Variants in NKAIN3 observed in about 807,000 individuals in gnomAD.
NKAIN3 encodes the protein sodium/potassium-transporting ATPase subunit beta-1-interacting protein 3.
A neutral mutation model predicts 30.2 loss-of-function variants in NKAIN3; 25 were observed. The ratio of observed to expected loss-of-function variants is 0.83; its 90% CI spans 0.60 to 1.16. The LOEUF is 1.16. Ranked by LOEUF, NKAIN3 falls within the 50% of genes most tolerant of loss-of-function variation. The pLI is 0.00. For missense variants in NKAIN3, 225 were observed against 254.1 expected, an observed-to-expected ratio of 0.89 and a Z score of 0.78; for synonymous variants, 91 against 89.6, an observed-to-expected ratio of 1.02 and a Z score of -0.09.
chr8:62,357,575 G>A (rs190575588), intron 1 of NKAIN3, among the ~76,000 whole-genome samples: 5 of 152,288 alleles, frequency 3.3e-5, no homozygotes, highest in Admixed American at 3.3e-4. Flanking sequence ...ATTCCTAAAT[G>A]AAATTTTTTT....
chr8:62,268,645 A>T (rs1309414687), intron 1 of NKAIN3, among the ~76,000 whole-genome samples: 3 of 152,186 alleles, frequency 2.0e-5, no homozygotes, highest in Admixed American at 2.0e-4. Context: ...TATTTTGTAA[A>T]GCTTCCCTCC....
intron 6 of NKAIN3, 37 bp downstream of exon 6, chr8:62,954,009 C>T (rs527374766): frequency 6.5e-6 from 5 of 765,602 alleles, no homozygotes; most frequent in African/African-American, 3.8e-5. Flanking sequence ...AATATTAATC[C>T]TTCTAACTCA....
intron 3 of NKAIN3, among the ~76,000 whole-genome samples, chr8:62,628,794 A>T (rs552862670): frequency 6.6e-6 from 1 of 152,094 alleles, no homozygotes; most frequent in South Asian, 2.1e-4. Flanking sequence ...CCTATTCAAG[A>T]TGATATTTTT....
At chr8:62,959,893 G>A (rs569921551) in intron 6 of NKAIN3, among the ~76,000 whole-genome samples, 3 of 152,316 alleles carry the variant, frequency 2.0e-5, no homozygotes, top group South Asian at 4.1e-4. Context: ...TAGTTGTCCC[G>A]AAGGAGAGAT....
intron 1 of NKAIN3, among the ~76,000 whole-genome samples, chr8:62,260,873 T>C (rs931652158): frequency 6.6e-6 from 1 of 151,986 alleles, no homozygotes; most frequent in African/African-American, 2.4e-5. Context: ...CTCTGGGGGT[T>C]ATTTTACATC....
chr8:62,716,246 C>A (rs1188166426), intron 3 of NKAIN3, among the ~76,000 whole-genome samples: 1 of 152,084 alleles, frequency 6.6e-6, no homozygotes, highest in African/African-American at 2.4e-5. Flanking sequence ...CTGCCAGGCC[C>A]TACAAACAAG....
At chr8:62,524,714 A>G (rs1409167647) in intron 1 of NKAIN3, among the ~76,000 whole-genome samples, 1 of 152,132 alleles carries the variant, frequency 6.6e-6, no homozygotes, top group Non-Finnish European at 1.5e-5. Context: ...TTTCTTTGCA[A>G]AGGTTTTAAG....
At chr8:62,460,199 G>C (rs1805949243) in intron 1 of NKAIN3, among the ~76,000 whole-genome samples, 1 of 151,936 alleles carries the variant, frequency 6.6e-6, no homozygotes, top group African/African-American at 2.4e-5. Flanking sequence ...ATCATCTGAG[G>C]TCAGGAGTTC....
At chr8:62,693,220 G>A (rs1473726301) in intron 3 of NKAIN3, among the ~76,000 whole-genome samples, 1 of 152,116 alleles carries the variant, frequency 6.6e-6, no homozygotes, top group Non-Finnish European at 1.5e-5. Flanking sequence ...ATTGGAAGAT[G>A]GTTTTACTGA....
intron 3 of NKAIN3, among the ~76,000 whole-genome samples, chr8:62,685,648 C>T (rs1324743553): frequency 6.6e-6 from 1 of 152,162 alleles, no homozygotes; most frequent in African/African-American, 2.4e-5. Flanking sequence ...CGGATAGTCA[C>T]AGTGGCATTC....
chr8:62,449,381 A>G (rs1327817841), intron 1 of NKAIN3, among the ~76,000 whole-genome samples: 1 of 152,074 alleles, frequency 6.6e-6, no homozygotes, highest in Non-Finnish European at 1.5e-5. Flanking sequence ...TAGACTGGAA[A>G]CATTAACAAA....
Position 62,781,293 on chromosome 8 carries a change from A to T in NKAIN3, c.471+34164A>T, listed in dbSNP as rs564519047. 2.8e-4 allele frequency among the ~76,000 whole-genome samples: 42 copies of T among 152,134 alleles called. No individual in the cohort carries two copies. The South Asian group carries it at 8.7e-3, about 32-fold the overall frequency. On this transcript the variant is annotated intron_variant, in intron 4 of 6. Coordinates refer to ENST00000623646, the MANE Select transcript of NKAIN3 (RefSeq NM_001304533.3). Reference sequence around the variant, plus strand: ...AAAGAAATGAGGAGGGCACAAAAAAATGGAAGGACATTTTATGCTTGTGGG... The same window carrying T: ...AAAGAAATGAGGAGGGCACAAAAAATTGGAAGGACATTTTATGCTTGTGGG...
At chr8:62,332,306 A>G (rs1192108249) in intron 1 of NKAIN3, among the ~76,000 whole-genome samples, 1 of 152,172 alleles carries the variant, frequency 6.6e-6, no homozygotes, top group Non-Finnish European at 1.5e-5. Flanking sequence ...TCCATTGCTA[A>G]TAAAGAACTG....
chr8:62,430,402 TGTGTGG>T (rs1353206582), intron 1 of NKAIN3, among the ~76,000 whole-genome samples: 68 of 149,508 alleles, frequency 4.5e-4, no homozygotes, highest in African/African-American at 1.5e-3. Flanking sequence ...TGTGTGTGTG[TGTGTGG>T]ATGGGTGTGT....
intron 4 of NKAIN3, among the ~76,000 whole-genome samples, chr8:62,850,406 G>A (rs576315645): frequency 6.6e-6 from 1 of 152,186 alleles, no homozygotes; most frequent in East Asian, 1.9e-4. Flanking sequence ...TCTGTAGGCT[G>A]CCTGTTCACT....
chr8:62,583,619 G>A (rs1810371026), intron 2 of NKAIN3, among the ~76,000 whole-genome samples: 1 of 152,218 alleles, frequency 6.6e-6, no homozygotes. Context: ...ACAGGTGGTA[G>A]TGGGCAGCAG....
chr8:62,809,501 T>C (rs4598244), intron 4 of NKAIN3, among the ~76,000 whole-genome samples: 14,061 of 152,242 alleles, frequency 0.092, 675 homozygotes, highest in African/African-American at 0.1. Context: ...CTTCAGCCAG[T>C]CCCTCTTTTT....
chr8:62,752,447 A>G (rs532888807), intron 4 of NKAIN3, among the ~76,000 whole-genome samples: 25 of 152,196 alleles, frequency 1.6e-4, no homozygotes, highest in Non-Finnish European at 2.9e-4. Context: ...TGTGATCTTC[A>G]TAGGACACGG....
intron 1 of NKAIN3, among the ~76,000 whole-genome samples, chr8:62,467,839 C>T (rs1406773170): frequency 6.6e-6 from 1 of 152,128 alleles, no homozygotes; most frequent in Non-Finnish European, 1.5e-5. Context: ...GAGCTCGTCT[C>T]ACTGCAGCCT....
Sources: allele counts gnomAD v4.1 joint callset (sites outside exome capture counted in the v4.1 genomes callset), GRCh38; gene constraint gnomAD v4.1.1; transcripts MANE v1.5; gene names NCBI Gene and HGNC (gene_info 2026-07-23, HGNC 2026-07-21).